Variants in HCN2 observed in about 807,000 individuals in gnomAD.
The protein encoded by HCN2 is hyperpolarization activated cyclic nucleotide gated potassium and sodium channel 2, also known as potassium/sodium hyperpolarization-activated cyclic nucleotide-gated channel 2.
HCN2 carries 20 observed loss-of-function variants against 52.3 expected under a neutral mutation model. That is an observed-to-expected ratio of 0.38 (90% confidence interval 0.27 to 0.56). HCN2 has a LOEUF of 0.56. Among genes scored for constraint, HCN2 ranks in the 20% least tolerant of loss-of-function variants. HCN2 has a pLI of 0.71. For synonymous variants in HCN2, 694 were observed against 537.0 expected (o/e 1.29, Z -4.04); for missense variants, 981 against 1,207.7 (o/e 0.81, Z 2.78).
chr19:613,692 CGGGGATGG>C (rs1273682420), intron 6 of HCN2, among the ~76,000 whole-genome samples, 152 bp from the exon 7 acceptor site: 380 of 19,344 alleles, frequency 0.02, 32 homozygotes, highest in Non-Finnish European at 0.026. Context: ...GGGATGGGGC[CGGGGATGG>C]GGCCGGGGAT....
At chr19:613,811 C>A (rs1291359814) in intron 6 of HCN2, 41 bp from the exon 7 acceptor site, 1 of 1,462,476 alleles carries the variant, frequency 6.8e-7, no homozygotes, top group Non-Finnish European at 9.0e-7. Flanking sequence ...GGCCGCGGCG[C>A]CCGCCTCGTC....
At chr19:614,153 C>G (rs1009255534) in intron 7 of HCN2, 137 bp downstream of exon 7, 1 of 618,900 alleles carries the variant, frequency 1.6e-6, no homozygotes, top group Admixed American at 3.9e-5. Context: ...GGGGCAGAGA[C>G]GTGGCCAAGG....
Position 609,666 on chromosome 19 carries a change from C to T in HCN2, c.1438-593C>T, listed in dbSNP as rs543028299. On this transcript the variant is annotated intron_variant, in intron 4 of 7. Coordinates refer to ENST00000251287, the MANE Select transcript of HCN2 (RefSeq NM_001194.4). ...CTGTAATCCCCACTACTCAGGAGGC[C>T]GAGGTGGGAGGATCCCTTGAGCCCA... Among the ~76,000 whole-genome samples, 201 of 152,150 alleles carry T rather than the reference C, an allele frequency of 1.3e-3. 1 individual carries two copies. The highest frequency in any genetic ancestry group is 2.6e-3 in the Admixed American group (40 of 15,288).
intron 5 of HCN2, 136 bp downstream of exon 5, chr19:610,541 T>TAC (rs1983584010): frequency 4.1e-6 from 3 of 729,016 alleles, no homozygotes; most frequent in Non-Finnish European, 6.9e-6. Flanking sequence ...TAGACCTGCG[T>TAC]ACACACCCTC....
At chr19:610,881 A>AGCCC (rs1392767685) in intron 5 of HCN2, among the ~76,000 whole-genome samples, 1 of 152,176 alleles carries the variant, frequency 6.6e-6, no homozygotes, top group Non-Finnish European at 1.5e-5. Flanking sequence ...GGAGGCCGGA[A>AGCCC]GCCCAACATC....
Position 590,582 on chromosome 19 carries a change from C to CT in HCN2, c.632+5_632+6insT, listed in dbSNP as rs754311021. On this transcript the variant is annotated splice_donor_region_variant and intron_variant, in intron 1 of 7. Coordinates refer to ENST00000251287, the MANE Select transcript of HCN2 (RefSeq NM_001194.4). This position sits in a 1 kb window ranked among gnomAD's most constrained non-coding sequence, Gnocchi z 7.2. ...CCACCCGTACAGCGACTTCAGGTAC[C>CT]GCCTCCGGGAGGGCCGGTCGGCGCG... 7 of 1,411,076 alleles carry CT rather than the reference C, an allele frequency of 5.0e-6. No homozygotes were observed. In the Admixed American group the frequency reaches 6.9e-5, roughly 14 times the overall value. The allele number at this position is 1,411,076 out of a possible 1,614,324, so 87.4% of individuals were successfully genotyped here. A position where few individuals can be genotyped will look rare whatever the true frequency, so the allele number is the denominator to read the frequency against.
chr19:603,743 G>C lies in HCN2; in HGVS notation c.832G>C (p.Asp278His), dbSNP rs1204121039. ...CGAGGACAACACGGAGATCATCCTGGACCCCGAGAAGATCAAGAAGAAGTA... is the reference window on the plus strand; with the variant it reads ...CGAGGACAACACGGAGATCATCCTGCACCCCGAGAAGATCAAGAAGAAGTA... ...VIEDNTEIIL[D>H]PEKIKKKYLR... Residue 278 changes from aspartate to histidine, a missense_variant, in exon 2 of 8, where the codon GAC becomes CAC. Transcript: ENST00000251287. 6.2e-7 allele frequency: 1 copy of C among 1,612,812 alleles called. No individual in the cohort carries two copies.
intron 1 of HCN2, among the ~76,000 whole-genome samples, chr19:597,203 C>T (rs1482740278): frequency 6.6e-6 from 1 of 152,314 alleles, no homozygotes; most frequent in African/African-American, 2.4e-5. Flanking sequence ...CCCTGCTGGG[C>T]AAGATGGGCT....
chr19:594,533 G>A (rs191706611), intron 1 of HCN2, among the ~76,000 whole-genome samples: 256 of 152,296 alleles, frequency 1.7e-3, no homozygotes, highest in African/African-American at 5.9e-3. Context: ...AGGACTGGTC[G>A]GGGAGGAGCT....
At chr19:605,423 G>A (rs1295749466) in intron 3 of HCN2, among the ~76,000 whole-genome samples, 1 of 71,574 alleles carries the variant, frequency 1.4e-5, no homozygotes, top group Non-Finnish European at 2.7e-5. Flanking sequence ...GAGGACTCGG[G>A]CCCTTTCAGA....
At position 591,299 on chromosome 19, in the gene HCN2, G is replaced by A. The variant is rs1455373813; in HGVS notation, c.632+722G>A. ...CGGCGCGTGTCCCCGTGGGCTGTGT[G>A]TGAACAGGGGCCCGTGACCGCGGCG... On this transcript the variant is annotated intron_variant, in intron 1 of 7. Transcript: ENST00000251287. The surrounding 1 kb of genome is among the most constrained non-coding windows in gnomAD (Gnocchi z 4.1). The A allele has an allele frequency of 6.6e-6, 1 of 152,362 alleles. No homozygotes were observed. Among genetic ancestry groups the A allele is most frequent in the East Asian group, 1.9e-4 (1 of 5,186 alleles). 9.4% of individuals were successfully genotyped at this position (152,362 alleles called of 1,614,324 possible). A position where few individuals can be genotyped will look rare whatever the true frequency, so the allele number is the denominator to read the frequency against.
intron 7 of HCN2, among the ~76,000 whole-genome samples, chr19:615,572 C>T (rs1184937462): frequency 1.3e-5 from 2 of 152,248 alleles, no homozygotes; most frequent in African/African-American, 4.8e-5. Context: ...TGCATGCTGG[C>T]TGTGCATAGC....
At chr19:604,427 G>A (rs1461897563) in intron 2 of HCN2, among the ~76,000 whole-genome samples, 3 of 136,206 alleles carry the variant, frequency 2.2e-5, no homozygotes, top group African/African-American at 5.7e-5. Flanking sequence ...GAGCAGGGTC[G>A]AGGCAGCAGG....
chr19:600,497 T>C (rs1277005156), intron 1 of HCN2, among the ~76,000 whole-genome samples: 2 of 152,048 alleles, frequency 1.3e-5, no homozygotes, highest in African/African-American at 2.4e-5. Context: ...CGTGCCATCA[T>C]GCCCAGCCAA....
intron 1 of HCN2, among the ~76,000 whole-genome samples, chr19:599,654 G>A (rs1424589119): frequency 3.9e-5 from 6 of 152,028 alleles, no homozygotes; most frequent in Admixed American, 6.6e-5. Context: ...TGGGCGTGGT[G>A]GCGGGCGCCT....
At chr19:593,714 TC>T (rs1982940944) in intron 1 of HCN2, among the ~76,000 whole-genome samples, 1 of 152,016 alleles carries the variant, frequency 6.6e-6, no homozygotes, top group Admixed American at 6.6e-5. Flanking sequence ...CGTCTGAAAG[TC>T]CCCAGAGGCA....
In HCN2 at chr19:613,941, A is replaced by G. The variant is rs746438804; in HGVS notation, c.1915A>G (p.Asn639Asp). 1 of 1,541,256 alleles carries G rather than the reference A, an allele frequency of 6.5e-7. No individual in the cohort carries two copies. Among genetic ancestry groups the G allele is most frequent in the Non-Finnish European group, 8.8e-7 (1 of 1,138,818 alleles). Reference sequence around the variant, plus strand: ...CTATTCGCTGAGCGTGGACAACTTCAACGAGGTGCTGGAGGAGTACCCCAT... The same window carrying G: ...CTATTCGCTGAGCGTGGACAACTTCGACGAGGTGCTGGAGGAGTACCCCAT... ...RLYSLSVDNF[N>D]EVLEEYPMMR... Residue 639 changes from asparagine to aspartate, a missense_variant, in exon 7 of 8, where the codon AAC becomes GAC. Physicochemically the swap from Asn to Asp is conservative, Grantham distance 23. Around this residue, in one of 6 missense-constraint regions of HCN2, gnomAD observed 85 missense variants for 106.1 expected, o/e 0.80. Coordinates refer to ENST00000251287, the MANE Select transcript of HCN2 (RefSeq NM_001194.4).
chr19:612,025 A>G (rs180975325), intron 5 of HCN2, among the ~76,000 whole-genome samples: 35 of 152,162 alleles, frequency 2.3e-4, no homozygotes, highest in African/African-American at 7.9e-4. Context: ...GGCGCCTGTA[A>G]TCCCAGCTAC....
Position 613,460 on chromosome 19 carries a change from G to A in HCN2, c.1797G>A (p.Met599Ile). 6.3e-7 allele frequency: 1 copy of A among 1,593,238 alleles called. No homozygotes were observed. Among genetic ancestry groups the A allele is most frequent in the Non-Finnish European group, 8.6e-7 (1 of 1,168,712 alleles). The part of the protein sequence containing the change: ...VSVLTKGNKE[M>I]KLSDGSYFGE... ...TGCTCACTAAGGGCAACAAGGAGAT[G>A]AAGCTGTCCGATGGCTCCTACTTCG... is the stretch of plus-strand genomic sequence containing the variant. Residue 599 changes from methionine (M) to isoleucine (I), a missense_variant, in exon 6 of 8, where the codon ATG becomes ATA. Transcript: ENST00000251287.
Sources: allele counts gnomAD v4.1 joint callset (sites outside exome capture counted in the v4.1 genomes callset), GRCh38; gene constraint gnomAD v4.1.1; regional missense constraint gnomAD v4.1.1; non-coding constraint Gnocchi (gnomAD v3.1); transcripts MANE v1.5; gene names NCBI Gene and HGNC (gene_info 2026-07-23, HGNC 2026-07-21).